The following SYN3 variants were observed in gnomAD, a reference collection of about 807,000 sequenced individuals.
The protein encoded by SYN3 is synapsin III, also known as synapsin-3.
In SYN3, 35 loss-of-function variants were observed where a neutral mutation model predicts 65.8. The observed-to-expected ratio is 0.53, with a 90% confidence interval of 0.41 to 0.70. The LOEUF (loss-of-function observed/expected upper bound fraction) is 0.70, where lower values mean the gene tolerates loss of function less well. Among genes scored for constraint, SYN3 ranks in the 30% least tolerant of loss-of-function variants. SYN3 has a pLI of 0.00. For missense variants in SYN3, 680 were observed against 749.0 expected (o/e 0.91, Z 1.08); for synonymous variants, 270 against 292.9 (o/e 0.92, Z 0.80).
At chr22:32,545,623 C>T (rs1478871271) in intron 7 of SYN3, among the ~76,000 whole-genome samples, 1 of 152,142 alleles carries the variant, frequency 6.6e-6, no homozygotes, top group Non-Finnish European at 1.5e-5. Context: ...TGCAATGGTG[C>T]AATCTTGGCT....
At chr22:33,055,205 T>G (rs1424215454) in intron 1 of SYN3, among the ~76,000 whole-genome samples, 1 of 152,218 alleles carries the variant, frequency 6.6e-6, no homozygotes, top group Non-Finnish European at 1.5e-5. Context: ...AAATATACAC[T>G]ATCACATCAG....
intron 6 of SYN3, among the ~76,000 whole-genome samples, chr22:32,735,549 T>C (rs543436199): frequency 4.6e-5 from 7 of 152,234 alleles, no homozygotes; most frequent in African/African-American, 7.2e-5. Context: ...GTTTGTTTTT[T>C]CCCCCAGCTT....
chr22:32,917,985 G>A (rs2050231429), intron 4 of SYN3, among the ~76,000 whole-genome samples: 1 of 152,258 alleles, frequency 6.6e-6, no homozygotes, highest in Non-Finnish European at 1.5e-5. Context: ...GCTCTGCTGG[G>A]CCCCTGGACG....
At chr22:32,919,215 C>T (rs1000805328) in intron 4 of SYN3, among the ~76,000 whole-genome samples, 14 of 152,324 alleles carry the variant, frequency 9.2e-5, no homozygotes, top group African/African-American at 3.1e-4. Context: ...ACGGGGCTCG[C>T]TCTGCTCACT....
At chr22:32,605,560 T>A (rs2059361063) in intron 6 of SYN3, among the ~76,000 whole-genome samples, 1 of 152,212 alleles carries the variant, frequency 6.6e-6, no homozygotes, top group South Asian at 2.1e-4. Flanking sequence ...GTAGCTCCTA[T>A]CTTTATTCCA....
At chr22:32,737,487 C>G in intron 6 of SYN3, among the ~76,000 whole-genome samples, 1 of 152,002 alleles carries the variant, frequency 6.6e-6, no homozygotes, top group Admixed American at 6.5e-5. Context: ...CACAACAGGC[C>G]CCGGTGGGTG....
intron 6 of SYN3, among the ~76,000 whole-genome samples, chr22:32,656,354 A>G (rs1356918754): frequency 1.3e-5 from 2 of 152,186 alleles, no homozygotes; most frequent in East Asian, 1.9e-4. Context: ...TCTACCTTAC[A>G]GACTGTTGAA....
chr22:32,538,174 C>T, intron 8 of SYN3, 64 bp from the exon 9 acceptor site: 1 of 1,498,280 alleles, frequency 6.7e-7, no homozygotes, highest in South Asian at 1.1e-5. Flanking sequence ...TGCTTTCCTT[C>T]TTTGCTTTGG....
At chr22:32,969,340 A>G (rs758924954) in intron 3 of SYN3, among the ~76,000 whole-genome samples, 117 of 152,342 alleles carry the variant, frequency 7.7e-4, no homozygotes, top group South Asian at 3.7e-3. Flanking sequence ...AGCGGGGCTC[A>G]TTCAACCTTG....
At chr22:32,971,783 G>A (rs1040879292) in intron 3 of SYN3, among the ~76,000 whole-genome samples, 9 of 152,164 alleles carry the variant, frequency 5.9e-5, no homozygotes, top group African/African-American at 1.9e-4. Context: ...ACCCTGGGAT[G>A]GATATTAGCC....
At chr22:32,657,135 T>C (rs1473127776) in intron 6 of SYN3, among the ~76,000 whole-genome samples, 5 of 149,572 alleles carry the variant, frequency 3.3e-5, no homozygotes, top group East Asian at 4.1e-4. Flanking sequence ...TTCTTTTTTT[T>C]CTTTTTGAGA....
At chr22:32,533,727 A>C (rs2146186867) in intron 10 of SYN3, 66 bp downstream of exon 10, 1 of 1,129,774 alleles carries the variant, frequency 8.9e-7, no homozygotes, top group East Asian at 2.4e-5. Context: ...CCATGCAGGG[A>C]TTCCCTCCCC....
At chr22:32,788,377 T>G (rs762798276) in intron 6 of SYN3, among the ~76,000 whole-genome samples, 12 of 151,866 alleles carry the variant, frequency 7.9e-5, no homozygotes, top group Non-Finnish European at 1.8e-4. Flanking sequence ...CCATCTCTAC[T>G]AAAAATACAA....
intron 6 of SYN3, among the ~76,000 whole-genome samples, chr22:32,631,069 G>C (rs530661868): frequency 2.2e-5 from 3 of 136,166 alleles, no homozygotes; most frequent in Admixed American, 6.9e-5. Context: ...CGAGGCGGGC[G>C]GATCACCTGA....
rs142221381 is a variant in SYN3, at chr22:32,797,389, T to C, written c.711+67526A>G. On this transcript the variant is annotated intron_variant, in intron 6 of 13. Transcript: ENST00000358763. ...TAATCACATTAGAGTCAGCTAAGTA[T>C]TGTCAAAGAAGTTGATACAGGGTGT... is the stretch of plus-strand genomic sequence containing the variant. Among the ~76,000 whole-genome samples the C allele has an allele frequency of 9.2e-5, 14 of 152,196 alleles. No homozygotes were observed. In the East Asian group the frequency reaches 1.7e-3, roughly 19 times the overall value.
chr22:32,508,470 GT>G lies in SYN3; in HGVS notation c.*5221del, dbSNP rs1158299022. Reference sequence around the variant, plus strand: ...CAGCCATGTTGCTCACACAAAGCCTGTTTAGTGGTCTCTTCACACAGACGCG... The same window carrying G: ...CAGCCATGTTGCTCACACAAAGCCTGTTAGTGGTCTCTTCACACAGACGCG... On this transcript the variant is annotated 3_prime_UTR_variant, in exon 14 of 14. Transcript: ENST00000358763. Among the ~76,000 whole-genome samples the G allele has an allele frequency of 1.3e-5, 2 of 152,180 alleles. No individual in the cohort carries two copies. Among genetic ancestry groups the G allele is most frequent in the African/African-American group, 4.8e-5 (2 of 41,440 alleles).
intron 6 of SYN3, among the ~76,000 whole-genome samples, chr22:32,651,639 A>G (rs979689793): frequency 6.6e-6 from 1 of 152,154 alleles, no homozygotes; most frequent in African/African-American, 2.4e-5. Context: ...ACATCAACTC[A>G]GCCACGCGTG....
At chr22:32,984,909 G>T (rs1287843364) in intron 2 of SYN3, among the ~76,000 whole-genome samples, 2 of 152,136 alleles carry the variant, frequency 1.3e-5, no homozygotes, top group Admixed American at 1.3e-4. Context: ...TCTAAGACAA[G>T]ACACTTAGCC....
At chr22:32,545,936 TA>T (rs2058330563) in intron 7 of SYN3, among the ~76,000 whole-genome samples, 2 of 151,966 alleles carry the variant, frequency 1.3e-5, no homozygotes, top group Non-Finnish European at 2.9e-5. Context: ...TCTATTTATT[TA>T]TTTTTTTAAA....
Sources: gnomAD v4.1 joint callset for allele counts (sites outside exome capture counted in the v4.1 genomes callset) on GRCh38, gnomAD v4.1.1 for gene constraint, MANE v1.5 for transcripts, NCBI Gene and HGNC (gene_info 2026-07-23, HGNC 2026-07-21) for gene names.